Variants in MYO3B observed in about 807,000 individuals in gnomAD.
MYO3B encodes myosin-IIIb.
MYO3B carries 156 observed loss-of-function variants against 174.6 expected under a neutral mutation model. The ratio of observed to expected loss-of-function variants is 0.89; its 90% CI spans 0.78 to 1.02. MYO3B has a LOEUF of 1.02. Ranked by LOEUF, MYO3B falls within the 50% of genes least tolerant of loss-of-function variation. MYO3B has a pLI of 0.00. For missense variants in MYO3B, 1,632 were observed against 1,639.4 expected (o/e 1.00, Z 0.08); for synonymous variants, 563 against 569.1 (o/e 0.99, Z 0.15).
At chr2:170,254,435 G>A (rs145970546) in intron 7 of MYO3B, among the ~76,000 whole-genome samples, 4 of 152,250 alleles carry the variant, frequency 2.6e-5, no homozygotes, top group East Asian at 1.9e-4. Context: ...CGGGACTCGG[G>A]GGGGCGCATC....
At chr2:170,350,075 C>T (rs557483309) in intron 8 of MYO3B, among the ~76,000 whole-genome samples, 4 of 152,004 alleles carry the variant, frequency 2.6e-5, no homozygotes, top group South Asian at 2.1e-4. Context: ...GATCTCGGCT[C>T]ATTGCAATCT....
chr2:170,559,341 G>A (rs1193475761), intron 32 of MYO3B, among the ~76,000 whole-genome samples: 1 of 152,150 alleles, frequency 6.6e-6, no homozygotes, highest in African/African-American at 2.4e-5. Context: ...GGGTTGACCA[G>A]TTAGCTCTAT....
At chr2:170,539,604 T>A (rs1689950115) in intron 30 of MYO3B, among the ~76,000 whole-genome samples, 1 of 136,496 alleles carries the variant, frequency 7.3e-6, no homozygotes, top group African/African-American at 2.9e-5. Context: ...CAGCAATTAA[T>A]AATTCTTTTT....
chr2:170,410,607 AAAAAC>A (rs2094540306), intron 22 of MYO3B, among the ~76,000 whole-genome samples: 3 of 150,252 alleles, frequency 2.0e-5, no homozygotes, highest in East Asian at 2.0e-4. Flanking sequence ...AAAAAAAAAA[AAAAAC>A]TTGGGAAACC....
intron 4 of MYO3B, 113 bp downstream of exon 4, chr2:170,214,596 C>T (rs1265770839): frequency 7.6e-7 from 1 of 1,315,198 alleles, no homozygotes; most frequent in African/African-American, 1.5e-5. Context: ...GCAAGGATTA[C>T]TAACAGCAGG....
At chr2:170,435,714 A>G (rs551310523) in intron 22 of MYO3B, among the ~76,000 whole-genome samples, 191 of 152,320 alleles carry the variant, frequency 1.3e-3, no homozygotes, top group African/African-American at 4.4e-3. Flanking sequence ...TTGCTTTGCA[A>G]TCATTTCTTA....
rs758741158 is a variant in MYO3B, at chr2:170,382,046, T to G, written c.1002T>G (p.Tyr334Ter). 21 of 1,613,572 alleles carry G rather than the reference T, an allele frequency of 1.3e-5. No homozygotes were observed. The highest frequency in any genetic ancestry group is 1.8e-5 in the Non-Finnish European group (21 of 1,179,706). ...AGAGGATGCATACCAGAAGACCTTA[T>G]CATGTGGAAGATGCTGAAAAATACT... ...RHERMHTRRP[Y>*]HVEDAEKYCL... is the part of the protein sequence containing the mutation. The change falls in exon 10 of 35, where the codon TAT becomes TAG. Residue 334 changes from tyrosine to a stop codon, truncating the protein, a stop_gained. Transcript: ENST00000408978. LOFTEE classifies it high-confidence loss of function.
intron 32 of MYO3B, among the ~76,000 whole-genome samples, chr2:170,591,148 T>C (rs1324581768): frequency 6.6e-6 from 1 of 152,212 alleles, no homozygotes. Flanking sequence ...ATTTTTTCTT[T>C]AGGAAAATCT....
chr2:170,335,556 G>A, intron 8 of MYO3B, 106 bp downstream of exon 8: 1 of 822,300 alleles, frequency 1.2e-6, no homozygotes, highest in South Asian at 1.7e-5. Context: ...TGTTATGCCT[G>A]TTAGCACGTT....
intron 1 of MYO3B, among the ~76,000 whole-genome samples, chr2:170,196,718 C>T (rs139965595): frequency 3.9e-5 from 6 of 152,104 alleles, no homozygotes; most frequent in African/African-American, 1.4e-4. Flanking sequence ...TCTAGCTAAC[C>T]CCTCTAGTGC....
chr2:170,458,555 G>C lies in MYO3B; in HGVS notation c.2731-4813G>C, dbSNP rs377201319. On this transcript the variant is annotated intron_variant, in intron 23 of 34. Transcript: ENST00000408978. ...TGCCCTAATAGAACCCACTTTCCAG[G>C]TTGTTTCTAAAAGCATTTTTGGTTA... Among the ~76,000 whole-genome samples the C allele has an allele frequency of 6.6e-5, 10 of 152,260 alleles. No individual in the cohort carries two copies. In the South Asian group the frequency reaches 1.2e-3, roughly 19 times the overall value.
chr2:170,592,469 T>G (rs573433761), intron 32 of MYO3B, among the ~76,000 whole-genome samples: 1 of 152,252 alleles, frequency 6.6e-6, no homozygotes, highest in African/African-American at 2.4e-5. Flanking sequence ...AATAAACCCA[T>G]GAGAAAACCA....
intron 27 of MYO3B, 53 bp downstream of exon 27, chr2:170,499,861 G>A (rs546311492): frequency 6.4e-7 from 1 of 1,556,144 alleles, no homozygotes; most frequent in Non-Finnish European, 8.8e-7. Context: ...ATGTCATTAA[G>A]TACTGGGGAA....
chr2:170,466,341 G>A (rs1367475253), intron 24 of MYO3B, among the ~76,000 whole-genome samples, 165 bp from the exon 25 acceptor site: 1 of 152,202 alleles, frequency 6.6e-6, no homozygotes, highest in Non-Finnish European at 1.5e-5. Flanking sequence ...TCTGCAGATG[G>A]CTATAAGTGC....
chr2:170,197,488 C>T (rs886377081), intron 1 of MYO3B, among the ~76,000 whole-genome samples: 22 of 152,206 alleles, frequency 1.4e-4, no homozygotes, highest in African/African-American at 5.1e-4. Context: ...CTCTCATTTT[C>T]ACTGAATGCT....
chr2:170,582,012 A>G (rs17279771), intron 32 of MYO3B, among the ~76,000 whole-genome samples: 65,880 of 152,146 alleles, frequency 0.43, 17,055 homozygotes, highest in Non-Finnish European at 0.58. Flanking sequence ...AAGATTGGAC[A>G]GGCCAACAGT....
intron 8 of MYO3B, among the ~76,000 whole-genome samples, chr2:170,368,536 G>A (rs901485564): frequency 1.3e-5 from 2 of 152,210 alleles, no homozygotes; most frequent in Non-Finnish European, 2.9e-5. Context: ...AGTTATGCCG[G>A]TATGATTTTA....
intron 32 of MYO3B, among the ~76,000 whole-genome samples, chr2:170,606,995 G>A (rs933949999): frequency 6.6e-6 from 1 of 151,710 alleles, no homozygotes; most frequent in African/African-American, 2.4e-5. Flanking sequence ...ACTCCAGCCT[G>A]GGCAAAAAAA....
chr2:170,414,262 A>C (rs1206265346), intron 22 of MYO3B, among the ~76,000 whole-genome samples: 2 of 151,974 alleles, frequency 1.3e-5, no homozygotes, highest in African/African-American at 4.8e-5. Context: ...ATCTCAGCTC[A>C]CTGAAACATC....
Sources: allele counts gnomAD v4.1 joint callset (sites outside exome capture counted in the v4.1 genomes callset), GRCh38; gene constraint gnomAD v4.1.1; transcripts MANE v1.5; gene names NCBI Gene and HGNC (gene_info 2026-07-23, HGNC 2026-07-21).